BRINP1: variants seen among roughly 807,000 people sequenced by gnomAD.
The protein encoded by BRINP1 is BMP/retinoic acid-inducible neural-specific protein 1.
Under a neutral mutation model 72.9 loss-of-function variants are expected in BRINP1, and 17 were observed. The ratio of observed to expected loss-of-function variants is 0.23; its 90% CI spans 0.16 to 0.35. BRINP1 has a LOEUF of 0.35. Ranked by LOEUF, BRINP1 falls within the 10% of genes least tolerant of loss-of-function variation. The probability of loss-of-function intolerance (pLI) is 1.00; values close to 1 mark genes in which losing one functional copy is unlikely to be tolerated. For synonymous variants in BRINP1, 418 were observed against 378.5 expected (o/e 1.10, Z -1.21); for missense variants, 850 against 1,001.6 (o/e 0.85, Z 2.04).
chr9:119,256,007 C>T (rs531327983), intron 2 of BRINP1, among the ~76,000 whole-genome samples: 1 of 146,552 alleles, frequency 6.8e-6, no homozygotes, highest in East Asian at 2.0e-4. Flanking sequence ...GGAGAACTGG[C>T]TCTGTGCTCT....
rs550550670 is a variant in BRINP1, at chr9:119,364,338, G to A, written c.-51+4718C>T. ...AAATATGACATAGGCTGGTTTGTGC[G>A]GTAATGAACTTGCTATCACTAAAAG... On this transcript the variant is annotated intron_variant, in intron 1 of 7. Coordinates refer to ENST00000265922, the MANE Select transcript of BRINP1 (RefSeq NM_014618.3). 3.3e-5 allele frequency among the ~76,000 whole-genome samples: 5 copies of A among 152,224 alleles called. No homozygotes were observed. The South Asian group carries it at 6.2e-4, about 19-fold the overall frequency.
chr9:119,276,210 C>A (rs747279226), intron 2 of BRINP1, among the ~76,000 whole-genome samples: 31 of 152,136 alleles, frequency 2.0e-4, no homozygotes, highest in Admixed American at 1.3e-4. Context: ...CAAAACAAGG[C>A]CCATAAGTAT....
intron 3 of BRINP1, among the ~76,000 whole-genome samples, chr9:119,248,639 T>C (rs1830347375): frequency 6.6e-6 from 1 of 152,238 alleles, no homozygotes; most frequent in African/African-American, 2.4e-5. Flanking sequence ...GAAATTTAAT[T>C]ATTTTCCCAG....
Position 119,167,938 on chromosome 9 carries a change from C to G in BRINP1, c.1432G>C (p.Glu478Gln). ...SERSEQFISF[E>Q]TDLDFQDLEL... is the part of the protein sequence containing the mutation. Reference sequence around the variant, plus strand: ...AGGTCCTGGAAGTCCAGGTCAGTCTCAAAGCTGATGAACTGCTCGCTCCGC... The same window carrying G: ...AGGTCCTGGAAGTCCAGGTCAGTCTGAAAGCTGATGAACTGCTCGCTCCGC... The change falls in exon 8 of 8, where the codon GAG becomes CAG. Residue 478 changes from glutamate (E) to glutamine (Q), a missense_variant. Transcript: ENST00000265922. The surrounding 1 kb of genome is among the most constrained non-coding windows in gnomAD (Gnocchi z 4.3). 1.2e-6 allele frequency: 2 copies of G among 1,614,220 alleles called. No homozygotes were observed. The highest frequency in any genetic ancestry group is 1.1e-5 in the South Asian group (1 of 91,088).
chr9:119,303,200 C>T (rs1830957729), intron 2 of BRINP1, among the ~76,000 whole-genome samples: 1 of 152,048 alleles, frequency 6.6e-6, no homozygotes, highest in South Asian at 2.1e-4. Flanking sequence ...GCGACGGAAG[C>T]TGTACCTTGC....
intron 1 of BRINP1, among the ~76,000 whole-genome samples, chr9:119,355,836 C>T (rs7039577): frequency 0.47 from 71,577 of 151,904 alleles, 18,123 homozygotes; most frequent in East Asian, 0.98. Flanking sequence ...ATTCTATGCT[C>T]TGTTTTGTTT....
intron 1 of BRINP1, among the ~76,000 whole-genome samples, chr9:119,352,735 T>C (rs939816383): frequency 6.6e-6 from 1 of 152,204 alleles, no homozygotes; most frequent in African/African-American, 2.4e-5. Context: ...CCATAAATAT[T>C]ATACTCTATG....
chr9:119,232,805 T>C (rs1830160113), intron 5 of BRINP1, among the ~76,000 whole-genome samples: 1 of 152,072 alleles, frequency 6.6e-6, no homozygotes, highest in African/African-American at 2.4e-5. Flanking sequence ...GCTCCCTGTA[T>C]ACTTCGCCAT....
rs1361698099 is a variant in BRINP1 at position 119,368,201 on chromosome 9, T to C, written c.-51+855A>G. On this transcript the variant is annotated intron_variant, in intron 1 of 7. Coordinates refer to ENST00000265922, the MANE Select transcript of BRINP1 (RefSeq NM_014618.3). The surrounding 1 kb of genome is among the most constrained non-coding windows in gnomAD (Gnocchi z 4.7). Reference sequence around the variant, plus strand: ...GTTGATTGCAAACGGGGATGCAGGGTAAATCCCTATCCCAGACTTTCCAAG... The same window carrying C: ...GTTGATTGCAAACGGGGATGCAGGGCAAATCCCTATCCCAGACTTTCCAAG... Among the ~76,000 whole-genome samples, 3 of 152,030 alleles carry C rather than the reference T, an allele frequency of 2.0e-5. No homozygotes were observed. The East Asian group carries it at 5.8e-4, about 29-fold the overall frequency.
At chr9:119,249,856 G>GAAAGGA (rs1830362066) in intron 2 of BRINP1, among the ~76,000 whole-genome samples, 2 of 16,212 alleles carry the variant, frequency 1.2e-4, no homozygotes, top group African/African-American at 6.9e-4. Flanking sequence ...GGAAGGAAGG[G>GAAAGGA]AGGGAGGGAG....
chr9:119,356,668 G>T (rs1302106844), intron 1 of BRINP1, among the ~76,000 whole-genome samples: 1 of 152,052 alleles, frequency 6.6e-6, no homozygotes, highest in East Asian at 1.9e-4. Context: ...GGCTGGGCAT[G>T]GTGGTGCGTG....
At chr9:119,341,710 G>T (rs781397083) in intron 1 of BRINP1, among the ~76,000 whole-genome samples, 3 of 152,134 alleles carry the variant, frequency 2.0e-5, no homozygotes, top group Non-Finnish European at 4.4e-5. Context: ...TGCATTTTTG[G>T]CTTATGATAG....
At chr9:119,185,963 T>C (rs190970275) in intron 7 of BRINP1, among the ~76,000 whole-genome samples, 91 of 152,336 alleles carry the variant, frequency 6.0e-4, no homozygotes, top group Admixed American at 1.6e-3. Flanking sequence ...ACTGACATCA[T>C]TGCACTATGA....
At chr9:119,178,514 C>T (rs1325311647) in intron 7 of BRINP1, among the ~76,000 whole-genome samples, 2 of 152,188 alleles carry the variant, frequency 1.3e-5, no homozygotes, top group Non-Finnish European at 2.9e-5. Context: ...CCCCTATCTC[C>T]AGCCAGTTCT....
intron 5 of BRINP1, among the ~76,000 whole-genome samples, chr9:119,230,184 G>A (rs1334586787): frequency 6.6e-6 from 1 of 152,162 alleles, no homozygotes; most frequent in South Asian, 2.1e-4. Context: ...GTAAGAAATG[G>A]CATGGGTCTG....
intron 1 of BRINP1, among the ~76,000 whole-genome samples, chr9:119,333,986 T>C (rs1426364476): frequency 6.6e-6 from 1 of 152,152 alleles, no homozygotes. Flanking sequence ...GATCCATTTT[T>C]GTGAAACTCC....
At chr9:119,188,771 G>A (rs187817398) in intron 7 of BRINP1, among the ~76,000 whole-genome samples, 84 of 152,152 alleles carry the variant, frequency 5.5e-4, no homozygotes, top group African/African-American at 1.6e-3. Flanking sequence ...AACAGAGTAA[G>A]ATCCCCATCT....
chr9:119,347,724 G>A (rs1831464763), intron 1 of BRINP1, among the ~76,000 whole-genome samples: 1 of 151,870 alleles, frequency 6.6e-6, no homozygotes, highest in Non-Finnish European at 1.5e-5. Context: ...TTACCCCATG[G>A]CCACTTTCTC....
At chr9:119,227,041 G>T (rs1416864788) in intron 5 of BRINP1, among the ~76,000 whole-genome samples, 1 of 151,992 alleles carries the variant, frequency 6.6e-6, no homozygotes, top group Non-Finnish European at 1.5e-5. Flanking sequence ...AAATATTCAT[G>T]TAAAGAAATG....
Sources: allele counts gnomAD v4.1 joint callset (sites outside exome capture counted in the v4.1 genomes callset), GRCh38; gene constraint gnomAD v4.1.1; non-coding constraint Gnocchi (gnomAD v3.1); transcripts MANE v1.5; gene names NCBI Gene and HGNC (gene_info 2026-07-23, HGNC 2026-07-21).